The following ATOH8 variants were observed in gnomAD, a reference collection of about 807,000 sequenced individuals.
ATOH8 encodes the protein atonal bHLH transcription factor 8, also known as transcription factor ATOH8.
A neutral mutation model predicts 21.2 loss-of-function variants in ATOH8; 9 were observed. That is an observed-to-expected ratio of 0.42 (90% CI 0.26 to 0.74). The LOEUF is 0.74. Among genes scored for constraint, ATOH8 ranks in the 30% least tolerant of loss-of-function variants. ATOH8 has a pLI of 0.24. For missense variants in ATOH8, 524 were observed against 470.9 expected (o/e 1.11, Z -1.04); for synonymous variants, 253 against 224.0 (o/e 1.13, Z -1.16).
rs1679638438 is a variant in ATOH8, at chr2:85,754,895, AACGCCAGGGAGCGG to A, written c.711_724del (p.Arg238GlyfsTer35). On this transcript the variant is annotated frameshift_variant, in exon 1 of 3. Transcript: ENST00000306279. LOFTEE classifies it high-confidence loss of function. ...GCAGCAGACCCGGAGGCTCCTGGCG[AACGCCAGGGAGCGG>A]ACGCGGGTGCACACCATCAGCGCAG... 1 of 1,610,194 alleles carries A rather than the reference AACGCCAGGGAGCGG, an allele frequency of 6.2e-7. No homozygotes were observed. The highest frequency in any genetic ancestry group is 1.7e-5 in the Admixed American group (1 of 59,952).
chr2:85,776,519 G>A (rs1265209037), intron 2 of ATOH8, among the ~76,000 whole-genome samples: 1 of 152,218 alleles, frequency 6.6e-6, no homozygotes, highest in Non-Finnish European at 1.5e-5. Flanking sequence ...GGACTTCAGT[G>A]TCCCCTCCTC....
At position 85,790,837 on chromosome 2, in the gene ATOH8, G is replaced by A. The variant is rs1344638660; in HGVS notation, c.*3947G>A. On this transcript the variant is annotated 3_prime_UTR_variant, in exon 3 of 3. Coordinates refer to ENST00000306279, the MANE Select transcript of ATOH8 (RefSeq NM_032827.7). ...GGTCAGCCGTGGGAAGCCGGCGAGG[G>A]GACTGGAGTTGGGGCTACACTTGCC... Among the ~76,000 whole-genome samples, 1 of 152,138 alleles carries A rather than the reference G, an allele frequency of 6.6e-6. No homozygotes were observed. Among genetic ancestry groups the A allele is most frequent in the African/African-American group, 2.4e-5 (1 of 41,422 alleles).
intron 1 of ATOH8, among the ~76,000 whole-genome samples, 170 bp from the exon 2 acceptor site, chr2:85,763,821 C>CGTGTGTGTGT (rs61491730): frequency 0.092 from 13,281 of 143,714 alleles, 787 homozygotes; most frequent in Non-Finnish European, 0.13. Context: ...GATGAGCTGA[C>CGTGTGTGTGT]GTGTGTGTGT....
intron 2 of ATOH8, among the ~76,000 whole-genome samples, chr2:85,779,675 T>C (rs1680430883): frequency 6.6e-6 from 1 of 152,180 alleles, no homozygotes; most frequent in African/African-American, 2.4e-5. Flanking sequence ...GGGTTAAGGG[T>C]CTACCTTGCC....
At chr2:85,760,492 A>C (rs997800826) in intron 1 of ATOH8, among the ~76,000 whole-genome samples, 3 of 152,152 alleles carry the variant, frequency 2.0e-5, no homozygotes, top group Admixed American at 6.5e-5. Flanking sequence ...ATAGACACTT[A>C]TTCAGATCCC....
chr2:85,756,985 A>C (rs1285067724), intron 1 of ATOH8, among the ~76,000 whole-genome samples: 1 of 152,218 alleles, frequency 6.6e-6, no homozygotes, highest in South Asian at 2.1e-4. Context: ...CAGTGTATCT[A>C]AGTAGAAGGC....
At chr2:85,769,052 G>A (rs919436699) in intron 2 of ATOH8, among the ~76,000 whole-genome samples, 1 of 152,236 alleles carries the variant, frequency 6.6e-6, no homozygotes, top group Admixed American at 6.5e-5. Flanking sequence ...CTTCTGAGGA[G>A]GAGGAGGGGA....
At chr2:85,755,180 A>G (rs983758889) in intron 1 of ATOH8, among the ~76,000 whole-genome samples, 7 of 152,042 alleles carry the variant, frequency 4.6e-5, no homozygotes, top group Non-Finnish European at 1.0e-4. Context: ...CCCGCCCTCA[A>G]CCCCCGCCTC....
At chr2:85,772,765 T>C (rs969702981) in intron 2 of ATOH8, 5 of 456,736 alleles carry the variant, frequency 1.1e-5, no homozygotes, top group African/African-American at 1.0e-4. Context: ...GGAATTCTTG[T>C]TTCTCAGGCG....
intron 2 of ATOH8, among the ~76,000 whole-genome samples, chr2:85,765,863 C>A (rs1680002161): frequency 6.6e-6 from 1 of 152,190 alleles, no homozygotes; most frequent in African/African-American, 2.4e-5. Flanking sequence ...CAGAGCCGAG[C>A]TTTTGGCTTC....
chr2:85,757,746 G>A (rs915905752), intron 1 of ATOH8, among the ~76,000 whole-genome samples: 1 of 151,754 alleles, frequency 6.6e-6, no homozygotes, highest in African/African-American at 2.4e-5. Context: ...GTGAGGAAAG[G>A]TAGGAGGCCT....
chr2:85,754,340 G>C lies in ATOH8; in HGVS notation c.151G>C (p.Glu51Gln). Residue 51 changes from glutamate to glutamine, a missense_variant, in exon 1 of 3, where the codon GAG becomes CAG. Coordinates refer to ENST00000306279, the MANE Select transcript of ATOH8 (RefSeq NM_032827.7). ...KTFRLDLEAP[E>Q]PRAVATNGLR... ...TTTCCGACTGGACTTGGAAGCGCCC[G>C]AGCCCCGCGCCGTAGCCACCAACGG... 1.2e-6 allele frequency: 2 copies of C among 1,608,246 alleles called. No homozygotes were observed. Among genetic ancestry groups the C allele is most frequent in the Non-Finnish European group, 1.7e-6 (2 of 1,178,124 alleles).
chr2:85,784,456 C>T (rs1409524685), intron 2 of ATOH8, among the ~76,000 whole-genome samples: 2 of 152,024 alleles, frequency 1.3e-5, no homozygotes, highest in African/African-American at 4.8e-5. Flanking sequence ...GCTGGAGGAT[C>T]GCTTGAGCCT....
At chr2:85,771,712 T>C (rs1020365604) in intron 2 of ATOH8, among the ~76,000 whole-genome samples, 24 of 152,220 alleles carry the variant, frequency 1.6e-4, no homozygotes, top group African/African-American at 5.5e-4. Context: ...ATAATAATGC[T>C]AATCGGCACT....
At chr2:85,775,858 C>T (rs891440195) in intron 2 of ATOH8, among the ~76,000 whole-genome samples, 1 of 152,288 alleles carries the variant, frequency 6.6e-6, no homozygotes, top group East Asian at 1.9e-4. Flanking sequence ...TGGTTTTCTT[C>T]CTGGGGAGCT....
At position 85,754,626 on chromosome 2, in the gene ATOH8, G is replaced by T. The variant is rs749686037; in HGVS notation, c.437G>T (p.Arg146Leu). ...GGGGGCCCAGAGGCACAGCCTTTCC[G>T]GGAGCCGGGTCTGCGTCCTCGCATC... is the stretch of plus-strand genomic sequence containing the variant. Reference protein sequence around the residue: ...APGGPEAQPFREPGLRPRILL... With the variant: ...APGGPEAQPFLEPGLRPRILL... The change falls in exon 1 of 3, where the codon CGG becomes CTG. Residue 146 changes from arginine to leucine, a missense_variant. Arg to Leu is a moderately radical substitution (Grantham distance 102). Coordinates refer to ENST00000306279, the MANE Select transcript of ATOH8 (RefSeq NM_032827.7). 2 of 1,506,960 alleles carry T rather than the reference G, an allele frequency of 1.3e-6. No individual in the cohort carries two copies. The highest frequency in any genetic ancestry group is 2.6e-5 in the East Asian group (1 of 38,994). The allele number at this position is 1,506,960 out of a possible 1,614,324, so 93.3% of individuals were successfully genotyped here. A position where few individuals can be genotyped will look rare whatever the true frequency, so the allele number is the denominator to read the frequency against.
rs575465958 is a variant in ATOH8, at chr2:85,790,385, T to C, written c.*3495T>C. 7.9e-5 allele frequency among the ~76,000 whole-genome samples: 12 copies of C among 152,232 alleles called. No individual in the cohort carries two copies. The South Asian group carries it at 8.3e-4, about 11-fold the overall frequency. ...AAACCAGAAGGAATGGCTCTGGGAG[T>C]TGGAGATCTCAGCTCACAGGCCAAG... On this transcript the variant is annotated 3_prime_UTR_variant, in exon 3 of 3. Coordinates refer to ENST00000306279, the MANE Select transcript of ATOH8 (RefSeq NM_032827.7).
chr2:85,779,308 G>A (rs1012540160), intron 2 of ATOH8, among the ~76,000 whole-genome samples: 4 of 152,224 alleles, frequency 2.6e-5, no homozygotes, highest in African/African-American at 9.6e-5. Flanking sequence ...CTGGGGTGGG[G>A]GGCAAGAAAG....
rs1045207311 is a variant in ATOH8, at chr2:85,774,148, A to G, written c.960+9966A>G. On this transcript the variant is annotated intron_variant, in intron 2 of 2. Transcript: ENST00000306279. ...CTCCCTCCCATGTCTCCTGCCCAAGAAGTTGGTCTTCGTGGGGCCAAAGGC... is the reference window on the plus strand; with the variant it reads ...CTCCCTCCCATGTCTCCTGCCCAAGGAGTTGGTCTTCGTGGGGCCAAAGGC... The G allele has an allele frequency of 4.0e-5, 39 of 985,358 alleles. No homozygotes were observed. In the African/African-American group the frequency reaches 6.6e-4, roughly 17 times the overall value. 61.0% of individuals were successfully genotyped at this position (985,358 alleles called of 1,614,324 possible).
Sources: gnomAD v4.1 joint callset for allele counts (sites outside exome capture counted in the v4.1 genomes callset) on GRCh38, gnomAD v4.1.1 for gene constraint, MANE v1.5 for transcripts, NCBI Gene and HGNC (gene_info 2026-07-23, HGNC 2026-07-21) for gene names.